M1AP: variants seen among roughly 807,000 people sequenced by gnomAD.
M1AP encodes meiosis 1 associated protein.
In M1AP, 39 loss-of-function variants were observed where a neutral mutation model predicts 51.2. That is an observed-to-expected ratio of 0.76 (90% CI 0.59 to 1.00). The LOEUF (loss-of-function observed/expected upper bound fraction) is 1.00, where lower values mean the gene tolerates loss of function less well. Among genes scored for constraint, M1AP ranks in the 50% least tolerant of loss-of-function variants. The probability of loss-of-function intolerance (pLI) is 0.00; values close to 1 mark genes in which losing one functional copy is unlikely to be tolerated. For missense variants in M1AP, 545 were observed against 641.2 expected (o/e 0.85, Z 1.62); for synonymous variants, 251 against 249.2 (o/e 1.01, Z -0.07).
chr2:74,637,761 G>C (rs1407348738), intron 2 of M1AP, among the ~76,000 whole-genome samples: 1 of 152,172 alleles, frequency 6.6e-6, no homozygotes, highest in Admixed American at 6.5e-5. Flanking sequence ...TATTCCAGTT[G>C]TGAGTATCAG....
intron 2 of M1AP, among the ~76,000 whole-genome samples, chr2:74,637,667 T>C (rs114197593): frequency 2.0e-5 from 3 of 152,218 alleles, no homozygotes; most frequent in Admixed American, 1.3e-4. Flanking sequence ...TATGCCCTAC[T>C]ACTGAGGCAA....
chr2:74,560,407 C>A, intron 8 of M1AP, 116 bp from the exon 9 acceptor site: 1 of 1,111,720 alleles, frequency 9.0e-7, no homozygotes. Context: ...CCAGGGCTGC[C>A]ATGAAGGCTG....
At chr2:74,560,679 T>A (rs554930687) in intron 8 of M1AP, among the ~76,000 whole-genome samples, 122 of 152,148 alleles carry the variant, frequency 8.0e-4, no homozygotes, top group Middle Eastern at 6.8e-3. Context: ...GGCGAGTACA[T>A]GGAGTTCTCA....
At chr2:74,614,341 G>A (rs1681540847) in intron 3 of M1AP, among the ~76,000 whole-genome samples, 1 of 152,144 alleles carries the variant, frequency 6.6e-6, no homozygotes. Flanking sequence ...CAACTTCCAA[G>A]CTCCTTACAT....
intron 3 of M1AP, 55 bp from the exon 4 acceptor site, chr2:74,607,278 G>T: frequency 6.5e-7 from 1 of 1,548,158 alleles, no homozygotes; most frequent in Non-Finnish European, 8.9e-7. Flanking sequence ...ACAGAGTGAG[G>T]AACATAACAG....
At chr2:74,595,197 TG>T (rs1439444673) in intron 4 of M1AP, among the ~76,000 whole-genome samples, 5 of 152,128 alleles carry the variant, frequency 3.3e-5, no homozygotes, top group Non-Finnish European at 5.9e-5. Flanking sequence ...TTGATTTTTT[TG>T]TAGATGAAGT....
chr2:74,631,565 T>A (rs531260277), intron 2 of M1AP, among the ~76,000 whole-genome samples: 39 of 152,284 alleles, frequency 2.6e-4, no homozygotes, highest in African/African-American at 9.1e-4. Flanking sequence ...TTAGAGAAAA[T>A]GAGTATTATA....
Position 74,648,291 on chromosome 2 carries a change from C to T in M1AP, c.-79G>A. On this transcript the variant is annotated 5_prime_UTR_variant, in exon 1 of 11. Transcript: ENST00000421985. Reference sequence around the variant, plus strand: ...TGTCTTCGGAAGACGGAGGCCCCCTCACCTGGTCCTCCCGGCTCTCAGCGT... The same window carrying T: ...TGTCTTCGGAAGACGGAGGCCCCCTTACCTGGTCCTCCCGGCTCTCAGCGT... 1 of 985,442 alleles carries T rather than the reference C, an allele frequency of 1.0e-6. No homozygotes were observed. Among genetic ancestry groups the T allele is most frequent in the Non-Finnish European group, 1.2e-6 (1 of 829,910 alleles). 61.0% of individuals were successfully genotyped at this position (985,442 alleles called of 1,614,324 possible).
chr2:74,627,154 A>G (rs1046123868), intron 2 of M1AP, among the ~76,000 whole-genome samples: 1 of 152,180 alleles, frequency 6.6e-6, no homozygotes, highest in Non-Finnish European at 1.5e-5. Flanking sequence ...GGAAAACTAT[A>G]TATATTTATG....
chr2:74,565,773 G>A (rs966452431), intron 7 of M1AP, among the ~76,000 whole-genome samples: 18 of 151,664 alleles, frequency 1.2e-4, no homozygotes, highest in African/African-American at 4.4e-4. Context: ...AGGTTGCAGT[G>A]AGCCGAAATC....
At chr2:74,637,200 A>G (rs1393273343) in intron 2 of M1AP, among the ~76,000 whole-genome samples, 1 of 152,066 alleles carries the variant, frequency 6.6e-6, no homozygotes. Context: ...ATGCTCACTA[A>G]TCTTTTCTTT....
chr2:74,559,411 C>T (rs891287271), intron 10 of M1AP, among the ~76,000 whole-genome samples: 7 of 152,218 alleles, frequency 4.6e-5, no homozygotes, highest in Non-Finnish European at 8.8e-5. Context: ...CCACCTGCCT[C>T]GGCCTTCCAA....
At chr2:74,599,998 G>C (rs1288439967) in intron 4 of M1AP, among the ~76,000 whole-genome samples, 2 of 152,042 alleles carry the variant, frequency 1.3e-5, no homozygotes, top group Non-Finnish European at 2.9e-5. Context: ...TATTGCCCAG[G>C]CTGGTCTCAA....
intron 2 of M1AP, among the ~76,000 whole-genome samples, chr2:74,635,003 T>C (rs1421118865): frequency 6.6e-6 from 1 of 152,164 alleles, no homozygotes; most frequent in African/African-American, 2.4e-5. Flanking sequence ...CCTCATAAAA[T>C]GAGTTTGGAA....
intron 2 of M1AP, among the ~76,000 whole-genome samples, chr2:74,638,412 G>GT (rs201199482): frequency 9.9e-5 from 15 of 151,426 alleles, no homozygotes; most frequent in Middle Eastern, 3.4e-3. Flanking sequence ...GTTTTATCCA[G>GT]TTTTTTTTTA....
chr2:74,614,910 A>C, intron 3 of M1AP, 54 bp downstream of exon 3: 1 of 1,464,750 alleles, frequency 6.8e-7, no homozygotes, highest in Non-Finnish European at 9.6e-7. Flanking sequence ...ACAATGACCT[A>C]TATGGACTGA....
chr2:74,560,122 G>C (rs774008124), intron 9 of M1AP, 29 bp downstream of exon 9: 7 of 1,610,914 alleles, frequency 4.3e-6, no homozygotes, highest in Non-Finnish European at 5.1e-6. Context: ...GGGGAAGTAA[G>C]GAAGAGGAGG....
intron 1 of M1AP, among the ~76,000 whole-genome samples, chr2:74,645,345 A>C (rs1315561005): frequency 6.6e-6 from 1 of 152,214 alleles, no homozygotes; most frequent in Non-Finnish European, 1.5e-5. Flanking sequence ...TTCATTCTTG[A>C]AGTCAGCAAG....
At chr2:74,602,224 CATTT>C (rs761992829) in intron 4 of M1AP, among the ~76,000 whole-genome samples, 4 of 151,892 alleles carry the variant, frequency 2.6e-5, no homozygotes, top group East Asian at 1.9e-4. Flanking sequence ...TTCAATCATT[CATTT>C]GTTTTGTCAA....
Sources: allele counts gnomAD v4.1 joint callset (sites outside exome capture counted in the v4.1 genomes callset), GRCh38; gene constraint gnomAD v4.1.1; transcripts MANE v1.5; gene names NCBI Gene and HGNC (gene_info 2026-07-23, HGNC 2026-07-21).